Variants in SELENOF observed in about 807,000 individuals in gnomAD.
The protein encoded by SELENOF is selenoprotein F.
In SELENOF, 16 loss-of-function variants were observed where a neutral mutation model predicts 20.5. The ratio of observed to expected loss-of-function variants is 0.78; its 90% CI spans 0.53 to 1.19. The LOEUF (loss-of-function observed/expected upper bound fraction) is 1.19, where lower values mean the gene tolerates loss of function less well. SELENOF is among the 50% of genes most tolerant of loss of function. SELENOF has a pLI of 0.00. For missense variants in SELENOF, 215 were observed against 194.2 expected, an observed-to-expected ratio of 1.11 and a Z score of -0.64; for synonymous variants, 78 against 74.5, an observed-to-expected ratio of 1.05 and a Z score of -0.24.
chr1:86,863,635 T>C (rs1486103014), intron 4 of SELENOF, 30 bp from the exon 5 acceptor site: 1 of 1,607,078 alleles, frequency 6.2e-7, no homozygotes, highest in Non-Finnish European at 8.5e-7. Context: ...CATCATTACT[T>C]TCTGTTCAGA....
chr1:86,907,199 G>C (rs1018588212), intron 1 of SELENOF, among the ~76,000 whole-genome samples: 1 of 152,172 alleles, frequency 6.6e-6, no homozygotes, highest in Non-Finnish European at 1.5e-5. Context: ...AGAAGCAAGT[G>C]CACAGAAAGC....
intron 2 of SELENOF, among the ~76,000 whole-genome samples, chr1:86,885,670 A>G (rs1372876024): frequency 6.6e-6 from 1 of 152,162 alleles, no homozygotes; most frequent in Non-Finnish European, 1.5e-5. Context: ...TTGATAAACT[A>G]ATTATTTAAG....
At chr1:86,874,356 A>G (rs1245397092) in intron 3 of SELENOF, among the ~76,000 whole-genome samples, 2 of 152,224 alleles carry the variant, frequency 1.3e-5, no homozygotes, top group East Asian at 3.8e-4. Context: ...TCACTAATAA[A>G]GGCAATTTTG....
rs1303588607 is a variant in SELENOF, at chr1:86,899,432, C to T, written c.252+3849G>A. Among the ~76,000 whole-genome samples the T allele has an allele frequency of 2.4e-5, 3 of 122,874 alleles. 1 individual carries two copies. Among genetic ancestry groups the T allele is most frequent in the African/African-American group, 1.2e-4 (3 of 25,490 alleles). The allele number at this position is 122,874 out of a possible 152,430, so 80.6% of individuals were successfully genotyped here. On this transcript the variant is annotated intron_variant, in intron 2 of 4. Transcript: ENST00000331835. ...GCAGGGGGCCGACCCCCCCCACCTCCCTCCCGGACGGGGCGGCTGGCCGGG... is the reference window on the plus strand; with the variant it reads ...GCAGGGGGCCGACCCCCCCCACCTCTCTCCCGGACGGGGCGGCTGGCCGGG...
chr1:86,868,842 C>T (rs1337881712), intron 3 of SELENOF, among the ~76,000 whole-genome samples: 1 of 151,946 alleles, frequency 6.6e-6, no homozygotes, highest in Non-Finnish European at 1.5e-5. Context: ...AACATCAGGA[C>T]AGCAAAACAC....
At chr1:86,911,238 A>G (rs998623590) in intron 1 of SELENOF, among the ~76,000 whole-genome samples, 2 of 152,234 alleles carry the variant, frequency 1.3e-5, no homozygotes, top group South Asian at 4.1e-4. Flanking sequence ...CTCTACTAAG[A>G]ACAGAAAGAG....
chr1:86,873,081 A>G (rs1329531267), intron 3 of SELENOF, among the ~76,000 whole-genome samples: 2 of 103,126 alleles, frequency 1.9e-5, no homozygotes, highest in African/African-American at 5.6e-5. Flanking sequence ...ATAAATAAAT[A>G]AATAAATAAA....
chr1:86,898,759 T>A (rs1659592649), intron 2 of SELENOF, among the ~76,000 whole-genome samples: 3 of 137,006 alleles, frequency 2.2e-5, no homozygotes, highest in Non-Finnish European at 4.7e-5. Flanking sequence ...TTTTTTGTAT[T>A]TTTTTTTTGT....
intron 1 of SELENOF, among the ~76,000 whole-genome samples, chr1:86,906,693 G>T (rs1255230881): frequency 6.6e-6 from 1 of 152,178 alleles, no homozygotes; most frequent in Non-Finnish European, 1.5e-5. Context: ...ACCAGTATCA[G>T]CTACTAGACA....
At chr1:86,914,172 C>T, upstream of SELENOF, 4 of 1,487,678 alleles carry the variant, frequency 2.7e-6, no homozygotes, top group Non-Finnish European at 3.8e-6. Flanking sequence ...ACTCCAGAGC[C>T]TGATCCAAAA....
chr1:86,874,565 T>C (rs1368020880), intron 3 of SELENOF, among the ~76,000 whole-genome samples: 3 of 151,564 alleles, frequency 2.0e-5, no homozygotes, highest in Non-Finnish European at 4.4e-5. Flanking sequence ...TTTAAAAAAG[T>C]ATTAAGGAGT....
chr1:86,887,069 T>C (rs752821356), intron 2 of SELENOF: 96 of 1,348,662 alleles, frequency 7.1e-5, no homozygotes, highest in Non-Finnish European at 8.2e-5. Flanking sequence ...ACCTAAACCA[T>C]GTTTAGTGAT....
intron 2 of SELENOF, among the ~76,000 whole-genome samples, chr1:86,900,193 G>A (rs1659654636): frequency 1.3e-5 from 2 of 152,020 alleles, no homozygotes; most frequent in African/African-American, 4.8e-5. Context: ...GGTGGCGGCT[G>A]GGCAGAGGCT....
intron 2 of SELENOF, among the ~76,000 whole-genome samples, chr1:86,900,026 G>T (rs1182133276): frequency 2.6e-5 from 4 of 151,210 alleles, no homozygotes; most frequent in African/African-American, 9.7e-5. Context: ...TTCCTAGATG[G>T]GATGGCGGCC....
intron 2 of SELENOF, among the ~76,000 whole-genome samples, chr1:86,900,433 C>T (rs1384834097): frequency 2.0e-5 from 3 of 152,140 alleles, no homozygotes; most frequent in African/African-American, 7.2e-5. Context: ...CAAAAAAATA[C>T]GAAAACCAGT....
intron 1 of SELENOF, among the ~76,000 whole-genome samples, chr1:86,909,722 A>C (rs1659926769): frequency 6.6e-6 from 1 of 152,170 alleles, no homozygotes; most frequent in Non-Finnish European, 1.5e-5. Flanking sequence ...ATGATGATAC[A>C]AGGCCAGGGG....
At chr1:86,888,451 T>G (rs888089380) in intron 2 of SELENOF, among the ~76,000 whole-genome samples, 5 of 152,100 alleles carry the variant, frequency 3.3e-5, no homozygotes, top group Non-Finnish European at 2.9e-5. Context: ...TTTTTAAAAA[T>G]TTTTGTAGAG....
intron 4 of SELENOF, among the ~76,000 whole-genome samples, chr1:86,866,046 A>G (rs1380739736): frequency 6.6e-6 from 1 of 151,862 alleles, no homozygotes; most frequent in African/African-American, 2.4e-5. Context: ...AAATAAAAAA[A>G]ATTAGCTGGT....
chr1:86,864,441 T>G lies in SELENOF; in HGVS notation c.367-836A>C, dbSNP rs548783512. Among the ~76,000 whole-genome samples, 22 of 152,224 alleles carry G rather than the reference T, an allele frequency of 1.4e-4. No individual in the cohort carries two copies. The South Asian group carries it at 4.6e-3, about 32-fold the overall frequency. ...ATGTAGTTCGGCAGTGATGACAGAG[T>G]TCTTAGAACTTCTTCCAGAATTATG... On this transcript the variant is annotated intron_variant, in intron 4 of 4. Coordinates refer to ENST00000331835, the MANE Select transcript of SELENOF (RefSeq NM_004261.5).
Sources: allele counts gnomAD v4.1 joint callset (sites outside exome capture counted in the v4.1 genomes callset), GRCh38; gene constraint gnomAD v4.1.1; transcripts MANE v1.5; gene names NCBI Gene and HGNC (gene_info 2026-07-23, HGNC 2026-07-21).